The following PTBP3 variants were observed in gnomAD, a reference collection of about 807,000 sequenced individuals.
PTBP3 encodes the protein polypyrimidine tract-binding protein 3.
Under a neutral mutation model 58.7 loss-of-function variants are expected in PTBP3, and 20 were observed. The observed-to-expected ratio is 0.34, with a 90% CI of 0.24 to 0.50. The LOEUF (loss-of-function observed/expected upper bound fraction) is 0.50, where lower values mean the gene tolerates loss of function less well. PTBP3 is among the 20% of genes least tolerant of loss of function. The pLI, the probability that PTBP3 is intolerant of heterozygous loss-of-function variation, is 0.98. For synonymous variants in PTBP3, 185 were observed against 219.8 expected, an observed-to-expected ratio of 0.84 and a Z score of 1.40; for missense variants, 509 against 637.2, an observed-to-expected ratio of 0.80 and a Z score of 2.17.
At chr9:112,231,962 GAGA>G (rs1835229815) in intron 9 of PTBP3, 134 bp downstream of exon 9, 1 of 327,646 alleles carries the variant, frequency 3.1e-6, no homozygotes, top group Non-Finnish European at 5.0e-6. Context: ...GAGAAGAGAA[GAGA>G]AGAGAGAAGA....
intron 5 of PTBP3, among the ~76,000 whole-genome samples, chr9:112,259,591 T>C (rs540138234): frequency 6.6e-6 from 1 of 152,342 alleles, no homozygotes; most frequent in Non-Finnish European, 1.5e-5. Context: ...GATATCATAT[T>C]GCAAAGACTT....
chr9:112,266,589 A>C (rs1186513362), intron 4 of PTBP3, among the ~76,000 whole-genome samples: 11 of 152,238 alleles, frequency 7.2e-5, no homozygotes, highest in Admixed American at 7.2e-4. Flanking sequence ...ACTTCAGTGT[A>C]TATCAAAAAG....
intron 1 of PTBP3, chr9:112,298,527 G>C (rs781253401): frequency 2.0e-6 from 1 of 507,648 alleles, no homozygotes; most frequent in Non-Finnish European, 3.9e-6. Flanking sequence ...TCATTGTAAT[G>C]TAAGATCTAC....
At chr9:112,251,325 A>G (rs994965016) in intron 6 of PTBP3, among the ~76,000 whole-genome samples, 2 of 152,244 alleles carry the variant, frequency 1.3e-5, no homozygotes, top group African/African-American at 2.4e-5. Context: ...TAAGACTGAT[A>G]ATATTTATCT....
intron 6 of PTBP3, 63 bp downstream of exon 6, chr9:112,252,615 G>A: frequency 1.7e-6 from 2 of 1,206,518 alleles, no homozygotes; most frequent in East Asian, 2.3e-5. Flanking sequence ...GTAAAGTGGG[G>A]CACAAGAGAA....
At chr9:112,377,527 T>C in the PTBP3 span, among the ~76,000 whole-genome samples, 3 of 152,326 alleles carry the variant, frequency 2.0e-5, no homozygotes, top group South Asian at 2.1e-4. Context: ...AGCTCTTCCT[T>C]AAGTTATATA....
intron 7 of PTBP3, among the ~76,000 whole-genome samples, chr9:112,235,432 T>C (rs1369762612): frequency 6.6e-6 from 1 of 152,130 alleles, no homozygotes; most frequent in African/African-American, 2.4e-5. Flanking sequence ...GAGCCAGATA[T>C]TATGTAATTG....
chr9:112,224,072 C>G, intron 13 of PTBP3, 61 bp downstream of exon 13: 1 of 1,550,734 alleles, frequency 6.4e-7, no homozygotes, highest in Admixed American at 1.9e-5. Flanking sequence ...ACTGAACTAC[C>G]TTTAAAATTT....
rs1248755986 is a variant in PTBP3, at chr9:112,251,033, A to C, written c.698T>G (p.Leu233Arg). 6.2e-7 allele frequency: 1 copy of C among 1,612,224 alleles called. No individual in the cohort carries two copies. ...TTTGTCATTATTATATTTCACATTA[A>C]GGCTGGTGAGCTTGGAGAAGTCAAT... ...LRIDFSKLTS[L>R]NVKYNNDKSR... Residue 233 changes from leucine (L) to arginine (R), a missense_variant, in exon 7 of 14, where the codon CTT becomes CGT. Transcript: ENST00000374257.
chr9:112,261,899 T>C (rs955791547), intron 5 of PTBP3, among the ~76,000 whole-genome samples: 1 of 152,214 alleles, frequency 6.6e-6, no homozygotes, highest in South Asian at 2.1e-4. Context: ...TAAGTAACCT[T>C]CAATTCTTAA....
chr9:112,261,899 T>G (rs955791547), intron 5 of PTBP3, among the ~76,000 whole-genome samples: 1 of 152,214 alleles, frequency 6.6e-6, no homozygotes, highest in East Asian at 1.9e-4. Context: ...TAAGTAACCT[T>G]CAATTCTTAA....
At chr9:112,270,927 C>T (rs957584726) in intron 3 of PTBP3, among the ~76,000 whole-genome samples, 8 of 152,026 alleles carry the variant, frequency 5.3e-5, no homozygotes, top group Admixed American at 2.0e-4. Context: ...AAGCAATCCG[C>T]GGCTCACTGC....
At chr9:112,226,624 C>A (rs1277199229) in intron 12 of PTBP3, among the ~76,000 whole-genome samples, 1 of 152,176 alleles carries the variant, frequency 6.6e-6, no homozygotes, top group Non-Finnish European at 1.5e-5. Context: ...AAGGGCCAGA[C>A]AGTAAATATC....
chr9:112,244,289 C>CAAAAAAAAAAAAAAAAAAAAAAAAAAAA lies in PTBP3; in HGVS notation c.802+6639_802+6640insTTTTTTTTTTTTTTTTTTTTTTTTTTTT, dbSNP rs56052359. ...TGGGCAACAGAGTGAGACTCTGTCTCAAAAAAAAAAAAAAAAAAGTTCTCA... is the reference window on the plus strand; with the variant it reads ...TGGGCAACAGAGTGAGACTCTGTCTCAAAAAAAAAAAAAAAAAAAAAAAAAAAAAAAAAAAAAAAAAAAAAAGTTCTCA... On this transcript the variant is annotated intron_variant, in intron 7 of 13. Transcript: ENST00000374257. Among the ~76,000 whole-genome samples, 50 of 36,290 alleles carry CAAAAAAAAAAAAAAAAAAAAAAAAAAAA rather than the reference C, an allele frequency of 1.4e-3. 7 individuals carry two copies. The highest frequency in any genetic ancestry group is 3.7e-3 in the South Asian group (2 of 538). The allele number at this position is 36,290 out of a possible 152,430, so 23.8% of individuals were successfully genotyped here.
rs1053085257 is a variant in PTBP3, at chr9:112,220,455, C to A, written c.*3396G>T. 7.1e-6 allele frequency: 8 copies of A among 1,133,376 alleles called. No homozygotes were observed. In the African/African-American group the frequency reaches 1.2e-4, roughly 16 times the overall value. The allele number at this position is 1,133,376 out of a possible 1,614,324, so 70.2% of individuals were successfully genotyped here. On this transcript the variant is annotated 3_prime_UTR_variant, in exon 14 of 14. Transcript: ENST00000374257. ...CACTTCTCATCAACTAAAACAGAACCCATGATTATCATACTAGGTGGAGCC... is the reference window on the plus strand; with the variant it reads ...CACTTCTCATCAACTAAAACAGAACACATGATTATCATACTAGGTGGAGCC...
chr9:112,234,936 C>T (rs200520196), intron 7 of PTBP3, 39 bp from the exon 8 acceptor site: 2 of 1,506,144 alleles, frequency 1.3e-6, no homozygotes, highest in Non-Finnish European at 1.8e-6. Flanking sequence ...ACACTACCTT[C>T]TATAAATATC....
chr9:112,288,555 G>A (rs1444434968), intron 2 of PTBP3, among the ~76,000 whole-genome samples: 1 of 152,104 alleles, frequency 6.6e-6, no homozygotes, highest in East Asian at 1.9e-4. Context: ...GGTGACAATA[G>A]CATTACCTCA....
At chr9:112,372,405 A>AG in the PTBP3 span, among the ~76,000 whole-genome samples, 1 of 152,198 alleles carries the variant, frequency 6.6e-6, no homozygotes, top group Non-Finnish European at 1.5e-5. Flanking sequence ...GTTTAAAAAA[A>AG]CGAGGTGGAA....
In PTBP3 at chr9:112,280,056, C is replaced by CATTT. The variant is rs772381346; in HGVS notation, c.35-4047_35-4044dup. 4.8e-4 allele frequency among the ~76,000 whole-genome samples: 73 copies of CATTT among 151,790 alleles called. No homozygotes were observed. The South Asian group carries it at 5.2e-3, about 11-fold the overall frequency. The stretch of plus-strand genomic sequence containing the variant: ...TTTTCTTACTCTCAAATTTATATGC[C>CATTT]ATTTATTTATTTATTTATTTATAGA... On this transcript the variant is annotated intron_variant, in intron 2 of 13. Coordinates refer to ENST00000374257, the MANE Select transcript of PTBP3 (RefSeq NM_001163788.4).
Sources: allele counts gnomAD v4.1 joint callset (sites outside exome capture counted in the v4.1 genomes callset), GRCh38; gene constraint gnomAD v4.1.1; transcripts MANE v1.5; gene names NCBI Gene and HGNC (gene_info 2026-07-23, HGNC 2026-07-21).